The following ANO3 variants were observed in gnomAD, a reference collection of about 807,000 sequenced individuals.
ANO3 encodes the protein anoctamin 3, also known as anoctamin-3.
In ANO3, 99 loss-of-function variants were observed where a neutral mutation model predicts 144.8. The ratio of observed to expected loss-of-function variants is 0.68; its 90% CI spans 0.58 to 0.81. The LOEUF is 0.81. Ranked by LOEUF, ANO3 falls within the 30% of genes least tolerant of loss-of-function variation. The pLI is 0.00. For synonymous variants in ANO3, 414 were observed against 392.6 expected, an observed-to-expected ratio of 1.05 and a Z score of -0.64; for missense variants, 905 against 1,202.2, an observed-to-expected ratio of 0.75 and a Z score of 3.66.
chr11:26,650,191 G>A (rs558284560), intron 24 of ANO3, among the ~76,000 whole-genome samples: 4 of 152,236 alleles, frequency 2.6e-5, no homozygotes, highest in Admixed American at 2.6e-4. Context: ...AGCTAAATTG[G>A]CATAGATTCA....
chr11:26,265,819 T>G (rs974937827), intron 1 of ANO3, among the ~76,000 whole-genome samples: 1 of 152,190 alleles, frequency 6.6e-6, no homozygotes, highest in Non-Finnish European at 1.5e-5. Flanking sequence ...TGGTGGCTTT[T>G]AACCTGAGCA....
chr11:26,431,520 G>A (rs1221136665), intron 1 of ANO3, among the ~76,000 whole-genome samples: 4 of 152,138 alleles, frequency 2.6e-5, no homozygotes, highest in Admixed American at 2.6e-4. Flanking sequence ...ACTAAGCCTA[G>A]TACCCAATAG....
intron 4 of ANO3, among the ~76,000 whole-genome samples, chr11:26,470,556 G>T (rs1049355882): frequency 2.0e-5 from 3 of 151,946 alleles, no homozygotes; most frequent in Admixed American, 6.6e-5. Flanking sequence ...ATAGTAATTC[G>T]TAATGCCCTC....
intron 14 of ANO3, among the ~76,000 whole-genome samples, chr11:26,593,773 G>T (rs1848564): frequency 6.6e-6 from 1 of 151,500 alleles, no homozygotes; most frequent in African/African-American, 2.4e-5. Context: ...GCCCTATTAG[G>T]CATGTGATTT....
At chr11:26,335,172 G>A (rs1855160615) in intron 1 of ANO3, among the ~76,000 whole-genome samples, 1 of 152,062 alleles carries the variant, frequency 6.6e-6, no homozygotes, top group Admixed American at 6.6e-5. Flanking sequence ...CTACTTACAG[G>A]TTATGTCATT....
At chr11:26,516,258 T>C (rs937439683) in intron 5 of ANO3, among the ~76,000 whole-genome samples, 7 of 151,582 alleles carry the variant, frequency 4.6e-5, no homozygotes, top group African/African-American at 7.3e-5. Flanking sequence ...TATTTGTTGA[T>C]ACAAGTAAAA....
At position 26,332,199 on chromosome 11, in the gene ANO3, C is replaced by T. The variant is rs1056178037; in HGVS notation, c.-77C>T. 6.2e-7 allele frequency: 1 copy of T among 1,613,176 alleles called. No individual in the cohort carries two copies. Among genetic ancestry groups the T allele is most frequent in the South Asian group, 1.1e-5 (1 of 90,972 alleles). On this transcript the variant is annotated 5_prime_UTR_variant, in exon 1 of 27. Transcript: ENST00000256737. The stretch of plus-strand genomic sequence containing the variant: ...CTCGCTGAGGCTCCGGACCTTGGAG[C>T]GTCTAGAGTCTGGCTACTGTTCCTC...
At chr11:26,447,097 C>T (rs548467928) in intron 3 of ANO3, among the ~76,000 whole-genome samples, 33 of 150,460 alleles carry the variant, frequency 2.2e-4, no homozygotes, top group African/African-American at 7.1e-4. Flanking sequence ...GTCCCAGCTA[C>T]GCAGGAGGCT....
intron 4 of ANO3, among the ~76,000 whole-genome samples, chr11:26,486,756 C>T (rs1860468344): frequency 6.6e-6 from 1 of 151,916 alleles, no homozygotes; most frequent in Admixed American, 6.6e-5. Context: ...AAAATAAAAC[C>T]CTGGGGCAGG....
At chr11:26,305,371 T>G (rs1854357308), upstream of ANO3, among the ~76,000 whole-genome samples, 1 of 152,094 alleles carries the variant, frequency 6.6e-6, no homozygotes, top group African/African-American at 2.4e-5. Flanking sequence ...TTCCCAAAAC[T>G]CATTCAAGAT....
At position 26,635,071 on chromosome 11, in the gene ANO3, G is replaced by A; in HGVS notation, c.2043+1G>A. Reference sequence around the variant, plus strand: ...TTTTGACCGGTGGAGACTGGAGGAAGTAAGTAACTTTGGGAGTGTGGGTGC... The same window carrying A: ...TTTTGACCGGTGGAGACTGGAGGAAATAAGTAACTTTGGGAGTGTGGGTGC... On this transcript the variant is annotated splice_donor_variant, in intron 20 of 26. Coordinates refer to ENST00000256737, the MANE Select transcript of ANO3 (RefSeq NM_031418.4). LOFTEE classifies it high-confidence loss of function. 1 of 1,613,440 alleles carries A rather than the reference G, an allele frequency of 6.2e-7. No individual in the cohort carries two copies.
At chr11:26,591,354 G>A (rs545542407) in intron 14 of ANO3, among the ~76,000 whole-genome samples, 334 of 152,306 alleles carry the variant, frequency 2.2e-3, no homozygotes, top group Admixed American at 4.1e-3. Context: ...ATTAACATCA[G>A]AGCATGGGCT....
chr11:26,341,608 T>C (rs1855361331), intron 1 of ANO3, among the ~76,000 whole-genome samples: 1 of 152,156 alleles, frequency 6.6e-6, no homozygotes, highest in Non-Finnish European at 1.5e-5. Flanking sequence ...AGGATAGATG[T>C]GTATATGAAA....
At chr11:26,431,648 T>TG (rs576261802) in intron 1 of ANO3, among the ~76,000 whole-genome samples, 73 of 152,308 alleles carry the variant, frequency 4.8e-4, no homozygotes, top group Middle Eastern at 3.4e-3. Flanking sequence ...GGACAAGTGA[T>TG]GTTTGGTTTT....
intron 1 of ANO3, among the ~76,000 whole-genome samples, chr11:26,383,004 T>G (rs961798424): frequency 2.6e-5 from 4 of 152,168 alleles, no homozygotes; most frequent in Non-Finnish European, 5.9e-5. Context: ...ATTAACATTG[T>G]GATCTTCAGT....
chr11:26,371,180 C>A (rs1370822963), intron 1 of ANO3, among the ~76,000 whole-genome samples: 2 of 152,214 alleles, frequency 1.3e-5, no homozygotes, highest in East Asian at 3.9e-4. Context: ...TGTATCCTAG[C>A]TGCTTCAGCT....
intron 14 of ANO3, among the ~76,000 whole-genome samples, chr11:26,591,330 G>A (rs554431159): frequency 7.2e-5 from 11 of 152,156 alleles, no homozygotes; most frequent in African/African-American, 1.2e-4. Flanking sequence ...CTCAGGAGGG[G>A]TGCCTTTGAT....
chr11:26,395,643 C>T (rs1410716443), intron 1 of ANO3, among the ~76,000 whole-genome samples: 1 of 152,040 alleles, frequency 6.6e-6, no homozygotes, highest in Non-Finnish European at 1.5e-5. Flanking sequence ...TAATCCCACA[C>T]ATCTACAACC....
intron 2 of ANO3, among the ~76,000 whole-genome samples, chr11:26,442,548 G>A (rs1037322977): frequency 2.0e-5 from 3 of 152,160 alleles, no homozygotes; most frequent in African/African-American, 7.2e-5. Context: ...AGATTTAGTT[G>A]GACAAGTGTT....
Sources: allele counts gnomAD v4.1 joint callset (sites outside exome capture counted in the v4.1 genomes callset), GRCh38; gene constraint gnomAD v4.1.1; transcripts MANE v1.5; gene names NCBI Gene and HGNC (gene_info 2026-07-23, HGNC 2026-07-21).